Variants in CFDP1 observed in about 807,000 individuals in gnomAD.
CFDP1 encodes chromatin remodeling protein CFDP1.
In CFDP1, 31 loss-of-function variants were observed where a neutral mutation model predicts 40.1. The observed-to-expected ratio is 0.77, with a 90% CI of 0.58 to 1.04. The LOEUF is 1.04. CFDP1 is among the 50% of genes least tolerant of loss of function. The pLI, the probability that CFDP1 is intolerant of heterozygous loss-of-function variation, is 0.00. For missense variants in CFDP1, 423 were observed against 343.4 expected (o/e 1.23, Z -1.83); for synonymous variants, 167 against 120.0 (o/e 1.39, Z -2.56).
rs747573751 is a variant in CFDP1 at position 75,305,199 on chromosome 16, T to C, written c.651-17A>G. On this transcript the variant is annotated splice_polypyrimidine_tract_variant and intron_variant, in intron 5 of 6. Transcript: ENST00000283882. ...CTTTTTAACCTAAGGAAAGAAAATA[T>C]GAAAGATGTAGCAGGTAAAAACTCT... The C allele has an allele frequency of 4.3e-6, 7 of 1,612,304 alleles. No homozygotes were observed. In the East Asian group the frequency reaches 1.1e-4, roughly 26 times the overall value.
chr16:75,377,868 T>C (rs1051855813), intron 5 of CFDP1, among the ~76,000 whole-genome samples: 2 of 152,236 alleles, frequency 1.3e-5, no homozygotes, highest in African/African-American at 4.8e-5. Flanking sequence ...GCAGACTGTT[T>C]AGCTCACATT....
chr16:75,415,469 G>C (rs2079195252), intron 1 of CFDP1, among the ~76,000 whole-genome samples: 1 of 152,182 alleles, frequency 6.6e-6, no homozygotes, highest in East Asian at 1.9e-4. Flanking sequence ...CCCAGCTCGA[G>C]GAACTGAACA....
chr16:75,364,421 G>C (rs1013414412), intron 5 of CFDP1, among the ~76,000 whole-genome samples: 3 of 152,076 alleles, frequency 2.0e-5, no homozygotes, highest in Non-Finnish European at 4.4e-5. Context: ...CCAGAGAGAT[G>C]GGAGATTTTT....
intron 1 of CFDP1, among the ~76,000 whole-genome samples, chr16:75,417,345 C>T (rs932482291): frequency 6.6e-6 from 1 of 152,022 alleles, no homozygotes; most frequent in Non-Finnish European, 1.5e-5. Flanking sequence ...AAGTGACTGG[C>T]TGAAAATGCT....
intron 4 of CFDP1, among the ~76,000 whole-genome samples, chr16:75,404,778 T>A (rs1431341927): frequency 1.3e-5 from 2 of 151,296 alleles, no homozygotes; most frequent in Non-Finnish European, 2.9e-5. Flanking sequence ...TACAAGGAGT[T>A]TAAAAAGACC....
At chr16:75,358,474 G>C (rs946167433) in intron 5 of CFDP1, among the ~76,000 whole-genome samples, 9 of 107,090 alleles carry the variant, frequency 8.4e-5, no homozygotes, top group Non-Finnish European at 1.6e-4. Flanking sequence ...TACATAAAAT[G>C]AGGTATTTAT....
chr16:75,327,715 C>T (rs184777383), intron 5 of CFDP1, among the ~76,000 whole-genome samples: 110 of 152,092 alleles, frequency 7.2e-4, no homozygotes, highest in Middle Eastern at 3.4e-3. Flanking sequence ...ATCAGGTCAA[C>T]GCCAAATTAT....
chr16:75,400,435 G>A (rs1205667950), intron 4 of CFDP1, among the ~76,000 whole-genome samples: 1 of 152,166 alleles, frequency 6.6e-6, no homozygotes, highest in Non-Finnish European at 1.5e-5. Context: ...CCCTAGAAAG[G>A]CTCATTAAAT....
intron 1 of CFDP1, 55 bp from the exon 2 acceptor site, chr16:75,414,750 G>A: frequency 8.3e-7 from 1 of 1,211,080 alleles, no homozygotes; most frequent in Admixed American, 1.8e-5. Context: ...ACATCAAGAT[G>A]AGACATTTTC....
At chr16:75,302,353 T>C (rs2078227037) in intron 6 of CFDP1, among the ~76,000 whole-genome samples, 1 of 152,208 alleles carries the variant, frequency 6.6e-6, no homozygotes, top group African/African-American at 2.4e-5. Context: ...CTCAATCTTC[T>C]GGAGGTGAGC....
chr16:75,303,400 A>AATAAATGAATATATGT (rs745774792), intron 6 of CFDP1, among the ~76,000 whole-genome samples: 1 of 146,168 alleles, frequency 6.8e-6, no homozygotes, highest in Non-Finnish European at 1.5e-5. Context: ...TAAATAAATA[A>AATAAATGAATATATGT]ATGTATGTAT....
chr16:75,295,956 T>C (rs2078179089), intron 6 of CFDP1, among the ~76,000 whole-genome samples: 1 of 152,142 alleles, frequency 6.6e-6, no homozygotes, highest in South Asian at 2.1e-4. Context: ...AGAGGCACGT[T>C]CACTACAACT....
chr16:75,341,324 C>G (rs538524881), intron 5 of CFDP1, among the ~76,000 whole-genome samples: 54 of 152,316 alleles, frequency 3.5e-4, no homozygotes, highest in African/African-American at 1.3e-3. Context: ...CTGGGACCTA[C>G]TATTCCTAGT....
At chr16:75,387,096 A>C (rs953249302) in intron 5 of CFDP1, among the ~76,000 whole-genome samples, 6 of 152,144 alleles carry the variant, frequency 3.9e-5, no homozygotes, top group African/African-American at 1.2e-4. Flanking sequence ...GCATCCACTG[A>C]AGAACATGAA....
intron 5 of CFDP1, among the ~76,000 whole-genome samples, chr16:75,355,677 G>T (rs908488471): frequency 6.6e-6 from 1 of 152,050 alleles, no homozygotes; most frequent in Non-Finnish European, 1.5e-5. Flanking sequence ...TGAATCATGG[G>T]GGCAGTTCCC....
chr16:75,396,628 T>A lies in CFDP1; in HGVS notation c.531-1419A>T, dbSNP rs1431398687. ...AAAGATGAAACAAAAACTGGCTAAA[T>A]TAGCAATAATTTGGGAATGGACGAA... On this transcript the variant is annotated intron_variant, in intron 4 of 6. Transcript: ENST00000283882. Among the ~76,000 whole-genome samples, 2 of 105,160 alleles carry A rather than the reference T, an allele frequency of 1.9e-5. 1 individual carries two copies. The highest frequency in any genetic ancestry group is 4.6e-5 in the Non-Finnish European group (2 of 43,682). 69.0% of individuals were successfully genotyped at this position (105,160 alleles called of 152,430 possible).
At chr16:75,320,443 T>TA (rs11450908) in intron 5 of CFDP1, among the ~76,000 whole-genome samples, 110,846 of 150,054 alleles carry the variant, frequency 0.74, 40,933 homozygotes, top group Admixed American at 0.8. Flanking sequence ...GAAAACTAGT[T>TA]AAAAAAAAAA....
intron 1 of CFDP1, among the ~76,000 whole-genome samples, chr16:75,417,494 T>C (rs1292730551): frequency 6.6e-6 from 1 of 152,166 alleles, no homozygotes; most frequent in Non-Finnish European, 1.5e-5. Context: ...GTATGAAATA[T>C]GCCAGCTCTG....
chr16:75,410,092 A>C (rs2079145490), intron 4 of CFDP1, among the ~76,000 whole-genome samples: 2 of 150,222 alleles, frequency 1.3e-5, no homozygotes, highest in Non-Finnish European at 3.0e-5. Flanking sequence ...AAAAACCCAA[A>C]ACAAAAAAAC....
Sources: allele counts gnomAD v4.1 joint callset (sites outside exome capture counted in the v4.1 genomes callset), GRCh38; gene constraint gnomAD v4.1.1; transcripts MANE v1.5; gene names NCBI Gene and HGNC (gene_info 2026-07-23, HGNC 2026-07-21).